RAB3C: variants seen among roughly 807,000 people sequenced by gnomAD.
RAB3C encodes the protein RAB3C, member RAS oncogene family.
A neutral mutation model predicts 26.4 loss-of-function variants in RAB3C; 17 were observed. The observed-to-expected ratio is 0.64, with a 90% confidence interval of 0.44 to 0.97. The LOEUF is 0.97. Ranked by LOEUF, RAB3C falls within the 50% of genes least tolerant of loss-of-function variation. The pLI is 0.00. For missense variants in RAB3C, 242 were observed against 281.9 expected (o/e 0.86, Z 1.01); for synonymous variants, 91 against 95.9 (o/e 0.95, Z 0.30).
At chr5:58,720,478 G>C (rs1227304410) in intron 2 of RAB3C, among the ~76,000 whole-genome samples, 1 of 151,766 alleles carries the variant, frequency 6.6e-6, no homozygotes, top group Non-Finnish European at 1.5e-5. Flanking sequence ...AGGTAACTAG[G>C]TATGAATTAA....
rs141768188 is a variant in RAB3C at position 58,803,528 on chromosome 5, AAAAT to A, written c.372-21505_372-21502del. 2.9e-3 allele frequency among the ~76,000 whole-genome samples: 438 copies of A among 152,346 alleles called. 4 individuals carry two copies. The highest frequency in any genetic ancestry group is 0.01 in the African/African-American group (421 of 41,578). ...AACCAGCTCTATGTCTGTAAAAATA[AAAAT>A]AAATTCTGATTTTTCTATGCCAGTC... is the stretch of plus-strand genomic sequence containing the variant. On this transcript the variant is annotated intron_variant, in intron 3 of 4. Transcript: ENST00000282878.
At chr5:58,687,310 C>T (rs1748464897) in intron 2 of RAB3C, among the ~76,000 whole-genome samples, 5 of 152,156 alleles carry the variant, frequency 3.3e-5, no homozygotes, top group Admixed American at 3.3e-4. Flanking sequence ...CATTTTAAAC[C>T]AAGTTTTATT....
chr5:58,743,428 G>A (rs1741321897), intron 3 of RAB3C, among the ~76,000 whole-genome samples: 1 of 151,808 alleles, frequency 6.6e-6, no homozygotes, highest in South Asian at 2.1e-4. Flanking sequence ...TAAGTTCTGG[G>A]ATACATGTGC....
At chr5:58,711,319 C>A (rs992960049) in intron 2 of RAB3C, among the ~76,000 whole-genome samples, 1 of 152,138 alleles carries the variant, frequency 6.6e-6, no homozygotes, top group Non-Finnish European at 1.5e-5. Flanking sequence ...ATTTTTTACT[C>A]ATTAACATGA....
intron 4 of RAB3C, among the ~76,000 whole-genome samples, chr5:58,843,150 G>A (rs191939442): frequency 1.2e-4 from 19 of 152,282 alleles, no homozygotes; most frequent in African/African-American, 2.6e-4. Context: ...AAGGCCTAGC[G>A]TAGTATGTGC....
intron 1 of RAB3C, among the ~76,000 whole-genome samples, chr5:58,597,162 A>C (rs1579807234): frequency 8.9e-5 from 9 of 101,256 alleles, no homozygotes; most frequent in South Asian, 3.0e-4. Context: ...AATATATATT[A>C]TATAATAATA....
At chr5:58,670,665 AG>A (rs1420470481) in intron 2 of RAB3C, among the ~76,000 whole-genome samples, 1 of 152,218 alleles carries the variant, frequency 6.6e-6, no homozygotes, top group Non-Finnish European at 1.5e-5. Flanking sequence ...ATAGAACTGC[AG>A]TGCTTATTTG....
chr5:58,822,089 T>A (rs1374839308), intron 3 of RAB3C, among the ~76,000 whole-genome samples: 6 of 152,222 alleles, frequency 3.9e-5, no homozygotes, highest in African/African-American at 1.4e-4. Context: ...CCCACCTATC[T>A]TAGACTGTTC....
rs554188465 is a variant in RAB3C at position 58,852,134 on chromosome 5, A to G, written c.*783A>G. 6.6e-6 allele frequency: 1 copy of G among 152,142 alleles called. No individual in the cohort carries two copies. Among genetic ancestry groups the G allele is most frequent in the Admixed American group, 6.5e-5 (1 of 15,274 alleles). 9.4% of individuals were successfully genotyped at this position (152,142 alleles called of 1,614,324 possible). A position where few individuals can be genotyped will look rare whatever the true frequency, so the allele number is the denominator to read the frequency against. ...TCAACATCATTGAACAGATTGAGAC[A>G]TATCTACTGAATGCCAGTTATGCAA... On this transcript the variant is annotated 3_prime_UTR_variant, in exon 5 of 5. Coordinates refer to ENST00000282878, the MANE Select transcript of RAB3C (RefSeq NM_138453.4).
At chr5:58,692,351 A>C (rs1375761833) in intron 2 of RAB3C, among the ~76,000 whole-genome samples, 1 of 9,476 alleles carries the variant, frequency 1.1e-4, no homozygotes, top group Non-Finnish European at 1.9e-4. Context: ...GAAGAAAATA[A>C]TGTTCAGAAA....
intron 2 of RAB3C, among the ~76,000 whole-genome samples, chr5:58,629,656 G>T (rs574867874): frequency 4.6e-5 from 7 of 152,120 alleles, no homozygotes; most frequent in African/African-American, 1.7e-4. Flanking sequence ...AAAGGGGAGC[G>T]TTTATGTATG....
rs180697351 is a variant in RAB3C, at chr5:58,722,050, G to A, written c.253-3952G>A. On this transcript the variant is annotated intron_variant, in intron 2 of 4. Coordinates refer to ENST00000282878, the MANE Select transcript of RAB3C (RefSeq NM_138453.4). ...TGTAACATTTCAATCAGAATATAAT[G>A]GTGACTTGATTTCTTCTCTCTCAAA... Among the ~76,000 whole-genome samples the A allele has an allele frequency of 1.3e-4, 19 of 151,476 alleles. No homozygotes were observed. The East Asian group carries it at 3.3e-3, about 26-fold the overall frequency.
chr5:58,755,784 T>C (rs1049613022), intron 3 of RAB3C, among the ~76,000 whole-genome samples: 5 of 152,242 alleles, frequency 3.3e-5, no homozygotes, highest in Non-Finnish European at 5.9e-5. Context: ...TACTAGGCAA[T>C]AGTTTGCAAA....
intron 2 of RAB3C, among the ~76,000 whole-genome samples, chr5:58,653,627 A>G (rs970939847): frequency 5.3e-5 from 8 of 152,180 alleles, no homozygotes; most frequent in Admixed American, 5.2e-4. Context: ...CCTAAAAAAG[A>G]ATGAGTTCGT....
At chr5:58,625,509 C>A (rs763349695) in intron 2 of RAB3C, among the ~76,000 whole-genome samples, 5 of 152,072 alleles carry the variant, frequency 3.3e-5, no homozygotes, top group Non-Finnish European at 7.4e-5. Context: ...CTAGTCAGCC[C>A]AATTCCTACA....
At chr5:58,711,001 T>A (rs1005890578) in intron 2 of RAB3C, among the ~76,000 whole-genome samples, 10 of 152,200 alleles carry the variant, frequency 6.6e-5, no homozygotes, top group African/African-American at 2.4e-4. Context: ...TTTGTTTCCA[T>A]GAGGATCAAA....
intron 3 of RAB3C, among the ~76,000 whole-genome samples, chr5:58,809,724 G>C (rs901645010): frequency 3.9e-5 from 6 of 152,092 alleles, no homozygotes; most frequent in Non-Finnish European, 7.4e-5. Context: ...TGCCCTTGTA[G>C]GAACAGACAC....
chr5:58,772,806 A>G (rs1742055539), intron 3 of RAB3C, among the ~76,000 whole-genome samples: 1 of 152,184 alleles, frequency 6.6e-6, no homozygotes, highest in African/African-American at 2.4e-5. Context: ...AAGATTATAT[A>G]TCAGGTAAGG....
At chr5:58,782,938 A>AT (rs948918634) in intron 3 of RAB3C, among the ~76,000 whole-genome samples, 20 of 150,334 alleles carry the variant, frequency 1.3e-4, no homozygotes, top group East Asian at 5.9e-4. Flanking sequence ...CCATAATGTT[A>AT]TTTTTTTTTT....
Sources: gnomAD v4.1 joint callset for allele counts (sites outside exome capture counted in the v4.1 genomes callset) on GRCh38, gnomAD v4.1.1 for gene constraint, MANE v1.5 for transcripts, NCBI Gene and HGNC (gene_info 2026-07-23, HGNC 2026-07-21) for gene names.